The following LOXL1 variants were observed in gnomAD, a reference collection of about 807,000 sequenced individuals.
LOXL1 encodes lysyl oxidase homolog 1.
A neutral mutation model predicts 62.2 loss-of-function variants in LOXL1; 31 were observed. That is an observed-to-expected ratio of 0.50 (90% confidence interval 0.37 to 0.67). LOXL1 has a LOEUF of 0.67. Among genes scored for constraint, LOXL1 ranks in the 30% least tolerant of loss-of-function variants. The pLI is 0.00. For missense variants in LOXL1, 775 were observed against 843.4 expected (o/e 0.92, Z 1.00); for synonymous variants, 403 against 384.4 (o/e 1.05, Z -0.56).
chr15:73,948,935 C>A (rs919295015), intron 5 of LOXL1, among the ~76,000 whole-genome samples: 9 of 152,166 alleles, frequency 5.9e-5, no homozygotes, highest in Admixed American at 2.0e-4. Flanking sequence ...CTAGTTAATC[C>A]AACATTTAAA....
chr15:73,941,540 C>T (rs1162686216), intron 1 of LOXL1, among the ~76,000 whole-genome samples: 1 of 152,174 alleles, frequency 6.6e-6, no homozygotes, highest in Non-Finnish European at 1.5e-5. Flanking sequence ...GGACTCAAGT[C>T]CTCCCACCTT....
At chr15:73,944,665 G>A (rs2141634719) in intron 2 of LOXL1, among the ~76,000 whole-genome samples, 1 of 152,362 alleles carries the variant, frequency 6.6e-6, no homozygotes, top group African/African-American at 2.4e-5. Context: ...ACCCAGAGAA[G>A]AAAAGGGACC....
chr15:73,951,661 C>T lies in LOXL1; in HGVS notation c.1719-170C>T, dbSNP rs2068788040. On this transcript the variant is annotated intron_variant, in intron 6 of 6. Coordinates refer to ENST00000261921, the MANE Select transcript of LOXL1 (RefSeq NM_005576.4). ...TGGGTGGGTGGGAGTCCATCAAACCCCTCCTTTTGGAGCTGGGCTGAGGGG... is the reference window on the plus strand; with the variant it reads ...TGGGTGGGTGGGAGTCCATCAAACCTCTCCTTTTGGAGCTGGGCTGAGGGG... Among the ~76,000 whole-genome samples, 4 of 152,326 alleles carry T rather than the reference C, an allele frequency of 2.6e-5. No homozygotes were observed. In the South Asian group the frequency reaches 8.3e-4, roughly 32 times the overall value.
intron 6 of LOXL1, among the ~76,000 whole-genome samples, chr15:73,951,235 T>C (rs1039008212): frequency 7.2e-5 from 11 of 152,172 alleles, no homozygotes; most frequent in African/African-American, 2.4e-4. Context: ...AGGAGGGCTG[T>C]CGGCAGGGCA....
At chr15:73,929,050 A>T (rs1316036336) in intron 1 of LOXL1, among the ~76,000 whole-genome samples, 1 of 152,178 alleles carries the variant, frequency 6.6e-6, no homozygotes, top group Admixed American at 6.5e-5. Flanking sequence ...GCTTCCACAC[A>T]TGCTGTTAGC....
chr15:73,935,719 C>G (rs1392408047), intron 1 of LOXL1, among the ~76,000 whole-genome samples: 1 of 152,302 alleles, frequency 6.6e-6, no homozygotes, highest in African/African-American at 2.4e-5. Flanking sequence ...TCTGCCTCCC[C>G]CTCAGCCCAG....
chr15:73,948,372 C>G (rs1442491970), intron 5 of LOXL1, among the ~76,000 whole-genome samples: 3 of 152,212 alleles, frequency 2.0e-5, no homozygotes, highest in Admixed American at 6.5e-5. Flanking sequence ...GACACTCACT[C>G]CATCACCTCT....
chr15:73,928,456 CG>C (rs2068609214), intron 1 of LOXL1, among the ~76,000 whole-genome samples: 1 of 152,110 alleles, frequency 6.6e-6, no homozygotes, highest in Non-Finnish European at 1.5e-5. Flanking sequence ...GGCAGGAGTC[CG>C]GACTTCCTCA....
chr15:73,933,255 C>T (rs951186729), intron 1 of LOXL1, among the ~76,000 whole-genome samples: 5 of 152,168 alleles, frequency 3.3e-5, no homozygotes, highest in African/African-American at 1.2e-4. Flanking sequence ...AATTAACCAA[C>T]TCACCCAAGG....
At position 73,947,101 on chromosome 15, in the gene LOXL1, G is replaced by C; in HGVS notation, c.1384G>C (p.Asp462His). Residue 462 changes from aspartate to histidine, a missense_variant, in exon 4 of 7, where the codon GAC becomes CAC. Physicochemically the swap from Asp to His is moderately conservative, Grantham distance 81. Coordinates refer to ENST00000261921, the MANE Select transcript of LOXL1 (RefSeq NM_005576.4). Reference protein sequence around the residue: ...YHSMDEFSHYDLLDAATGKKV... With the variant: ...YHSMDEFSHYHLLDAATGKKV... The stretch of plus-strand genomic sequence containing the variant: ...CAGCATGGACGAGTTCAGCCACTAC[G>C]ACCTACTGGATGCAGCCACAGGCAA... 6.2e-7 allele frequency: 1 copy of C among 1,612,780 alleles called. No homozygotes were observed. Among genetic ancestry groups the C allele is most frequent in the South Asian group, 1.1e-5 (1 of 90,954 alleles).
chr15:73,949,252 T>C (rs1024505840), intron 5 of LOXL1, among the ~76,000 whole-genome samples: 7 of 152,210 alleles, frequency 4.6e-5, no homozygotes, highest in Non-Finnish European at 8.8e-5. Flanking sequence ...TCCAATCTTC[T>C]GATAAGGGGG....
intron 1 of LOXL1, among the ~76,000 whole-genome samples, chr15:73,934,814 C>G (rs146641877): frequency 2.6e-5 from 4 of 152,206 alleles, no homozygotes; most frequent in Admixed American, 1.3e-4. Context: ...TAAGGAAGAT[C>G]GGGAGTGTAG....
Position 73,945,652 on chromosome 15 carries a change from G to A in LOXL1, c.1212-765G>A, listed in dbSNP as rs1338328778. ...CCACACCCAAGACATGGCATACTTT[G>A]GTCAACAATTAGGGCTCTGTCTTGT... On this transcript the variant is annotated intron_variant, in intron 2 of 6. Coordinates refer to ENST00000261921, the MANE Select transcript of LOXL1 (RefSeq NM_005576.4). The surrounding 1 kb of genome is among the most constrained non-coding windows in gnomAD (Gnocchi z 4.3). Among the ~76,000 whole-genome samples the A allele has an allele frequency of 1.3e-5, 2 of 152,114 alleles. No individual in the cohort carries two copies. The highest frequency in any genetic ancestry group is 2.9e-5 in the Non-Finnish European group (2 of 68,014).
intron 1 of LOXL1, among the ~76,000 whole-genome samples, chr15:73,940,358 C>T (rs896256360): frequency 6.6e-6 from 1 of 152,040 alleles, no homozygotes; most frequent in Non-Finnish European, 1.5e-5. Flanking sequence ...TCTCCACATG[C>T]AGTACTCTAC....
intron 2 of LOXL1, among the ~76,000 whole-genome samples, chr15:73,944,843 G>C (rs2068737216): frequency 6.6e-6 from 1 of 152,204 alleles, no homozygotes; most frequent in Non-Finnish European, 1.5e-5. Flanking sequence ...GCCTCCCCCA[G>C]ACAAGGCTGA....
At position 73,952,003 on chromosome 15, in the gene LOXL1, C is replaced by T. The variant is rs3522; in HGVS notation, c.*166C>T. ...GGATGAAAACCACAGGGATTCCGGA[C>T]GCCAGACCCCATTTTATACTTCACT... is the stretch of plus-strand genomic sequence containing the variant. On this transcript the variant is annotated 3_prime_UTR_variant, in exon 7 of 7. Coordinates refer to ENST00000261921, the MANE Select transcript of LOXL1 (RefSeq NM_005576.4). 210,169 of 450,848 alleles carry T rather than the reference C, an allele frequency of 0.47. 50,114 individuals are homozygous for T. The highest frequency in any genetic ancestry group is 0.64 in the East Asian group (18,115 of 28,442). 27.9% of individuals were successfully genotyped at this position (450,848 alleles called of 1,614,324 possible).
rs893297665 is a variant in LOXL1, at chr15:73,927,747, G to C, written c.964G>C (p.Gly322Arg). Residue 322 changes from glycine (G) to arginine (R), a missense_variant, in exon 1 of 7, where the codon GGG (glycine) becomes CGG (arginine). By Grantham distance (125) the Gly-to-Arg change is moderately radical. Transcript: ENST00000261921. Reference protein sequence around the residue: ...PYANPPPEAYGPPRALEPPYL... With the variant: ...PYANPPPEAYRPPRALEPPYL... ...CGCCAACCCGCCGCCCGAGGCGTAC[G>C]GGCCGCCGCGCGCGCTGGAGCCGCC... 38 of 1,453,126 alleles carry C rather than the reference G, an allele frequency of 2.6e-5. No individual in the cohort carries two copies. Among genetic ancestry groups the C allele is most frequent in the Non-Finnish European group, 3.2e-5 (36 of 1,109,188 alleles). The allele number at this position is 1,453,126 out of a possible 1,614,324, so 90.0% of individuals were successfully genotyped here. A position where few individuals can be genotyped will look rare whatever the true frequency, so the allele number is the denominator to read the frequency against.
chr15:73,928,119 G>A (rs995312178), intron 1 of LOXL1: 1 of 399,586 alleles, frequency 2.5e-6, no homozygotes, highest in African/African-American at 2.1e-5. Context: ...GGCCAGGCAG[G>A]TGTGGGCTCT....
rs2289414 is a variant in LOXL1, at chr15:73,932,459, A to G, written c.1102+4574A>G. Among the ~76,000 whole-genome samples the G allele has an allele frequency of 5.4e-3, 828 of 152,312 alleles. 17 individuals carry two copies. Among genetic ancestry groups the G allele is most frequent in the East Asian group, 0.031 (159 of 5,178 alleles). On this transcript the variant is annotated intron_variant, in intron 1 of 6. Transcript: ENST00000261921. ...CATTTATTCACTCATTCATTTGGTC[A>G]TTCATTCATTCAACAGATATTTGAG...
Sources: allele counts gnomAD v4.1 joint callset (sites outside exome capture counted in the v4.1 genomes callset), GRCh38; gene constraint gnomAD v4.1.1; non-coding constraint Gnocchi (gnomAD v3.1); transcripts MANE v1.5; gene names NCBI Gene and HGNC (gene_info 2026-07-23, HGNC 2026-07-21).